SLIT3: variants seen among roughly 807,000 people sequenced by gnomAD.
SLIT3 encodes slit guidance ligand 3, also known as slit homolog 3 protein.
Under a neutral mutation model 184.0 loss-of-function variants are expected in SLIT3, and 68 were observed. That is an observed-to-expected ratio of 0.37 (90% CI 0.30 to 0.45). The LOEUF (loss-of-function observed/expected upper bound fraction) is 0.45. Among genes scored for constraint, SLIT3 ranks in the 20% least tolerant of loss-of-function variants. The pLI is 1.00. For synonymous variants in SLIT3, 831 were observed against 828.6 expected (o/e 1.00, Z -0.05); for missense variants, 1,707 against 2,026.0 (o/e 0.84, Z 3.02).
chr5:169,185,303 G>A (rs746698644), intron 4 of SLIT3, among the ~76,000 whole-genome samples: 8 of 152,202 alleles, frequency 5.3e-5, no homozygotes, highest in African/African-American at 9.7e-5. Context: ...TTTTCCATGA[G>A]CTTTGGGTGG....
chr5:169,020,191 T>C (rs962305192), intron 4 of SLIT3, among the ~76,000 whole-genome samples: 2 of 152,196 alleles, frequency 1.3e-5, no homozygotes, highest in Non-Finnish European at 2.9e-5. Flanking sequence ...GTTTGCCAAA[T>C]GTTGGTTTAG....
At chr5:168,913,666 G>C (rs922009042) in intron 4 of SLIT3, among the ~76,000 whole-genome samples, 2 of 151,274 alleles carry the variant, frequency 1.3e-5, no homozygotes, top group African/African-American at 4.9e-5. Context: ...GCTTGAACCT[G>C]GGAGGCAGAG....
chr5:168,916,734 C>T (rs974413547), intron 4 of SLIT3, among the ~76,000 whole-genome samples: 10 of 152,212 alleles, frequency 6.6e-5, no homozygotes, highest in Non-Finnish European at 1.0e-4. Flanking sequence ...CAACTTGCTT[C>T]CATTTAACTC....
chr5:169,235,250 C>T (rs1191637611), intron 3 of SLIT3, among the ~76,000 whole-genome samples: 1 of 152,130 alleles, frequency 6.6e-6, no homozygotes, highest in African/African-American at 2.4e-5. Context: ...CTCTTTCCAT[C>T]TTCTATTTCT....
chr5:168,785,855 G>A (rs200334553), intron 12 of SLIT3, 52 bp downstream of exon 12: 123 of 1,319,898 alleles, frequency 9.3e-5, no homozygotes, highest in Middle Eastern at 3.6e-4. Flanking sequence ...TTTTCAGGTG[G>A]GAGCCTTCCG....
intron 3 of SLIT3, among the ~76,000 whole-genome samples, chr5:169,199,021 C>T (rs774356089): frequency 2.6e-5 from 4 of 151,816 alleles, no homozygotes; most frequent in Non-Finnish European, 4.4e-5. Flanking sequence ...CACACACACA[C>T]ACACACACAT....
intron 8 of SLIT3, among the ~76,000 whole-genome samples, chr5:168,809,919 G>A (rs912593832): frequency 2.0e-5 from 3 of 152,162 alleles, no homozygotes; most frequent in Non-Finnish European, 2.9e-5. Flanking sequence ...GAGGTGGAGT[G>A]GCCGTGGGAG....
At chr5:168,906,596 T>G (rs771307059) in intron 4 of SLIT3, among the ~76,000 whole-genome samples, 1 of 152,166 alleles carries the variant, frequency 6.6e-6, no homozygotes, top group Non-Finnish European at 1.5e-5. Flanking sequence ...TACCTCTACG[T>G]GGATAAGTGG....
intron 32 of SLIT3, among the ~76,000 whole-genome samples, chr5:168,679,341 A>G (rs1237603231): frequency 6.6e-6 from 1 of 152,200 alleles, no homozygotes. Context: ...TACAGGCGTG[A>G]GCCACCATGC....
intron 4 of SLIT3, among the ~76,000 whole-genome samples, chr5:169,006,866 T>C (rs774673262): frequency 2.0e-5 from 3 of 152,082 alleles, no homozygotes; most frequent in Non-Finnish European, 2.9e-5. Context: ...TGGATACACA[T>C]ACATGGTGCC....
chr5:168,935,797 C>T (rs1225496647), intron 4 of SLIT3, among the ~76,000 whole-genome samples: 1 of 152,216 alleles, frequency 6.6e-6, no homozygotes, highest in East Asian at 1.9e-4. Flanking sequence ...AAATTCAGAG[C>T]AATCCCATCA....
At chr5:169,218,400 T>C (rs1170435458) in intron 3 of SLIT3, among the ~76,000 whole-genome samples, 2 of 152,186 alleles carry the variant, frequency 1.3e-5, no homozygotes, top group Non-Finnish European at 2.9e-5. Context: ...ACTCAAAACA[T>C]GGGCCAGAGA....
At chr5:169,071,773 C>T (rs1021423270) in intron 4 of SLIT3, among the ~76,000 whole-genome samples, 14 of 152,290 alleles carry the variant, frequency 9.2e-5, no homozygotes, top group Non-Finnish European at 1.6e-4. Flanking sequence ...ACAATGACTG[C>T]TTGGCCTCTT....
intron 18 of SLIT3, 144 bp downstream of exon 18, chr5:168,752,811 C>T: frequency 1.3e-6 from 1 of 756,728 alleles, no homozygotes; most frequent in Admixed American, 2.6e-5. Context: ...ACGATGCCTG[C>T]CTGGCACATA....
At chr5:169,171,184 G>A (rs1382270424) in intron 4 of SLIT3, among the ~76,000 whole-genome samples, 2 of 152,156 alleles carry the variant, frequency 1.3e-5, no homozygotes, top group Non-Finnish European at 2.9e-5. Context: ...GAATCTTGAG[G>A]GTTAGATAAC....
chr5:169,056,182 G>A (rs1757996778), intron 4 of SLIT3, among the ~76,000 whole-genome samples: 1 of 152,158 alleles, frequency 6.6e-6, no homozygotes, highest in African/African-American at 2.4e-5. Flanking sequence ...TATGCAGAAG[G>A]GAGGTCTCAG....
chr5:168,791,961 T>C (rs908816312), intron 10 of SLIT3: 1 of 152,202 alleles, frequency 6.6e-6, no homozygotes, highest in Non-Finnish European at 1.5e-5. Context: ...GAGTTTGGCT[T>C]TGTTTAGATT....
intron 6 of SLIT3, among the ~76,000 whole-genome samples, chr5:168,829,824 G>A (rs1270981032): frequency 1.3e-5 from 2 of 152,338 alleles, no homozygotes; most frequent in African/African-American, 2.4e-5. Flanking sequence ...GGCAGGGGAC[G>A]ATGTGCACAG....
chr5:168,811,615 G>A (rs562318906), intron 8 of SLIT3, among the ~76,000 whole-genome samples: 58 of 152,324 alleles, frequency 3.8e-4, no homozygotes, highest in African/African-American at 1.4e-3. Flanking sequence ...TGTTGTGTTA[G>A]AGCAGTGTTT....
Sources: gnomAD v4.1 joint callset for allele counts (sites outside exome capture counted in the v4.1 genomes callset) on GRCh38, gnomAD v4.1.1 for gene constraint, MANE v1.5 for transcripts, NCBI Gene and HGNC (gene_info 2026-07-23, HGNC 2026-07-21) for gene names.